The following FGFRL1 variants were observed in gnomAD, a reference collection of about 807,000 sequenced individuals.
FGFRL1 encodes the protein fibroblast growth factor receptor-like 1.
Under a neutral mutation model 36.8 loss-of-function variants are expected in FGFRL1, and 24 were observed. The observed-to-expected ratio is 0.65, with a 90% CI of 0.47 to 0.92. The LOEUF (loss-of-function observed/expected upper bound fraction) is 0.92, where lower values mean the gene tolerates loss of function less well. Among genes scored for constraint, FGFRL1 ranks in the 40% least tolerant of loss-of-function variants. The probability of loss-of-function intolerance (pLI) is 0.00; values close to 1 mark genes in which losing one functional copy is unlikely to be tolerated. For missense variants in FGFRL1, 785 were observed against 753.4 expected, an observed-to-expected ratio of 1.04 and a Z score of -0.49; for synonymous variants, 422 against 344.1, an observed-to-expected ratio of 1.23 and a Z score of -2.50.
At chr4:1,012,400 C>A in intron 1 of FGFRL1, 70 bp from the exon 2 acceptor site, 6 of 1,542,498 alleles carry the variant, frequency 3.9e-6, no homozygotes, top group South Asian at 1.2e-5. Context: ...CTGATCCCCG[C>A]GGCCCGGGAC....
Position 1,023,348 on chromosome 4 carries a change from C to G in FGFRL1, c.353-293C>G, listed in dbSNP as rs931118539. 3.3e-5 allele frequency among the ~76,000 whole-genome samples: 5 copies of G among 152,074 alleles called. No homozygotes were observed. Among genetic ancestry groups the G allele is most frequent in the African/African-American group, 9.7e-5 (4 of 41,408 alleles). On this transcript the variant is annotated intron_variant, in intron 3 of 6. Transcript: ENST00000510644. The surrounding 1 kb of genome is among the most constrained non-coding windows in gnomAD (Gnocchi z 6.0). ...AGGCTAGGGTTACTGCAGCTGCTGG[C>G]CGGGCCCGGCTCCCTCCTCCCCCGG...
At chr4:1,010,730 AGCCCTGCGTGCTGG>A (rs1264112545), upstream of FGFRL1, among the ~76,000 whole-genome samples, 7 of 152,056 alleles carry the variant, frequency 4.6e-5, no homozygotes, top group East Asian at 1.4e-3. Context: ...GCGGCCTGGG[AGCCCTGCGTGCTGG>A]GCCCTGGGCA....
At chr4:1,013,314 C>T (rs1265535559) in intron 2 of FGFRL1, among the ~76,000 whole-genome samples, 3 of 152,242 alleles carry the variant, frequency 2.0e-5, no homozygotes, top group Admixed American at 6.5e-5. Flanking sequence ...CCGGGCACAG[C>T]GCTGGCTGCC....
intron 2 of FGFRL1, among the ~76,000 whole-genome samples, chr4:1,015,099 C>A (rs1715819559): frequency 1.3e-5 from 2 of 152,208 alleles, no homozygotes; most frequent in Non-Finnish European, 2.9e-5. Context: ...GGAACTGCGG[C>A]CGTGCTGGGA....
rs764753032 is a variant in FGFRL1, at chr4:1,023,616, C to G, written c.353-25C>G. On this transcript the variant is annotated intron_variant, in intron 3 of 6. Transcript: ENST00000510644. The surrounding 1 kb of genome is among the most constrained non-coding windows in gnomAD (Gnocchi z 6.0). Reference sequence around the variant, plus strand: ...CTCAGGGCCCCCCTCACCTGCCCTCCCTGTGCACCTCCGTCTCTCTGCAGA... The same window carrying G: ...CTCAGGGCCCCCCTCACCTGCCCTCGCTGTGCACCTCCGTCTCTCTGCAGA... 1.3e-6 allele frequency: 2 copies of G among 1,578,638 alleles called. No homozygotes were observed. The highest frequency in any genetic ancestry group is 3.6e-5 in the Admixed American group (2 of 54,964).
chr4:1,014,599 G>A (rs191640023), intron 2 of FGFRL1, among the ~76,000 whole-genome samples: 2 of 150,186 alleles, frequency 1.3e-5, no homozygotes, highest in South Asian at 2.1e-4. Context: ...GGTCAGTGTC[G>A]GCTCCCTGTG....
chr4:1,024,454 G>A lies in FGFRL1; in HGVS notation c.862G>A (p.Ala288Thr), dbSNP rs770019120. 1.9e-5 allele frequency: 31 copies of A among 1,612,146 alleles called. No homozygotes were observed. Among genetic ancestry groups the A allele is most frequent in the Admixed American group, 1.8e-4 (11 of 59,982 alleles). Residue 288 changes from alanine (A) to threonine (T), a missense_variant, in exon 6 of 7, where the codon GCC becomes ACC. Ala to Thr is a moderately conservative substitution (Grantham distance 58). Coordinates refer to ENST00000510644, the MANE Select transcript of FGFRL1 (RefSeq NM_001004356.3). ...GTGGCTGAAGCGCGTGGAGTACGGC[G>A]CCGAGGGCCGCCACAACTCCACCAT... is the stretch of plus-strand genomic sequence containing the variant. Reference protein sequence around the residue: ...IQWLKRVEYGAEGRHNSTIDV... With the variant: ...IQWLKRVEYGTEGRHNSTIDV...
intron 2 of FGFRL1, 50 bp downstream of exon 2, chr4:1,012,614 C>T: frequency 1.2e-6 from 1 of 855,550 alleles, no homozygotes; most frequent in Non-Finnish European, 1.7e-6. Context: ...CAGCGCCGCC[C>T]CCTTCCCGCC....
Position 1,025,504 on chromosome 4 carries a change from C to G in FGFRL1, c.*157C>G. The stretch of plus-strand genomic sequence containing the variant: ...GTGTGAGGCATAGCCCCTGGACACA[C>G]ACACACAGACACACACACTGCCTGG... On this transcript the variant is annotated 3_prime_UTR_variant, in exon 7 of 7. Transcript: ENST00000510644. The G allele has an allele frequency of 2.5e-6, 2 of 797,390 alleles. No individual in the cohort carries two copies. Among genetic ancestry groups the G allele is most frequent in the Non-Finnish European group, 3.9e-6 (2 of 507,720 alleles). The allele number at this position is 797,390 out of a possible 1,614,324, so 49.4% of individuals were successfully genotyped here.
intron 2 of FGFRL1, among the ~76,000 whole-genome samples, chr4:1,019,085 C>T (rs1284476854): frequency 6.6e-6 from 1 of 152,226 alleles, no homozygotes; most frequent in Non-Finnish European, 1.5e-5. Flanking sequence ...GGGGTCCCGC[C>T]TCCCTGTCTG....
Position 1,025,669 on chromosome 4 carries a change from A to G in FGFRL1, c.*322A>G, listed in dbSNP as rs1172438933. ...CACACGCACAGAGACATGCCAGAAC[A>G]TACAAGGACATGCTGCCTGAACATA... On this transcript the variant is annotated 3_prime_UTR_variant, in exon 7 of 7. Transcript: ENST00000510644. The G allele has an allele frequency of 2.5e-5, 11 of 446,068 alleles. No individual in the cohort carries two copies. The allele number at this position is 446,068 out of a possible 1,614,324, so 27.6% of individuals were successfully genotyped here.
At chr4:1,012,164 C>T (rs1042551626) in intron 1 of FGFRL1, 9 of 210,992 alleles carry the variant, frequency 4.3e-5, no homozygotes, top group African/African-American at 7.0e-5. Context: ...CCGCTAATGG[C>T]GCAGGCGATT....
At position 1,012,404 on chromosome 4, in the gene FGFRL1, C is replaced by G. The variant is rs939237159; in HGVS notation, c.-16-66C>G. 1.6e-5 allele frequency: 25 copies of G among 1,553,008 alleles called. No individual in the cohort carries two copies. The African/African-American group carries it at 3.1e-4, about 19-fold the overall frequency. ...CGGCCAGACCCCTGATCCCCGCGGC[C>G]CGGGACCGGGGAGGGCGGTATCTCC... On this transcript the variant is annotated intron_variant, in intron 1 of 6. Coordinates refer to ENST00000510644, the MANE Select transcript of FGFRL1 (RefSeq NM_001004356.3).
chr4:1,022,002 G>A (rs535889953), intron 2 of FGFRL1, among the ~76,000 whole-genome samples: 1 of 152,354 alleles, frequency 6.6e-6, no homozygotes, highest in South Asian at 2.1e-4. Context: ...CTGGGCCAGT[G>A]CTCAGGGCTT....
In FGFRL1 at chr4:1,024,993, T is replaced by C; in HGVS notation, c.1161T>C (p.Ala387=). 2 of 1,610,716 alleles carry C rather than the reference T, an allele frequency of 1.2e-6. No homozygotes were observed. The highest frequency in any genetic ancestry group is 1.1e-5 in the South Asian group (1 of 91,046). ...WPVVIGIPAG[A]VFILGTLLLW... ...TGGTCATCGGCATCCCAGCCGGCGC[T>C]GTCTTCATCCTGGGCACCCTGCTCC... The change falls in exon 7 of 7, where the codon GCT becomes GCC. Residue 387 remains alanine, a synonymous_variant. Transcript: ENST00000510644.
Position 1,024,464 on chromosome 4 carries a change from G to A in FGFRL1, c.872G>A (p.Arg291His), listed in dbSNP as rs759443799. 21 of 1,612,504 alleles carry A rather than the reference G, an allele frequency of 1.3e-5. No individual in the cohort carries two copies. In the East Asian group the frequency reaches 1.8e-4, roughly 14 times the overall value. The change falls in exon 6 of 7, where the codon CGC (arginine) becomes CAC (histidine). Residue 291 changes from arginine to histidine, a missense_variant. Arg to His is a conservative substitution (Grantham distance 29). Coordinates refer to ENST00000510644, the MANE Select transcript of FGFRL1 (RefSeq NM_001004356.3). The part of the protein sequence containing the change: ...LKRVEYGAEG[R>H]HNSTIDVGGQ... ...CGCGTGGAGTACGGCGCCGAGGGCCGCCACAACTCCACCATCGATGTGGGC... is the reference window on the plus strand; with the variant it reads ...CGCGTGGAGTACGGCGCCGAGGGCCACCACAACTCCACCATCGATGTGGGC...
intron 5 of FGFRL1, 77 bp downstream of exon 5, chr4:1,024,178 C>T (rs1047230801): frequency 2.1e-4 from 38 of 177,946 alleles, no homozygotes; most frequent in Admixed American, 5.9e-4. Context: ...TGCTGGTGGG[C>T]GGGGGCGCTG....
rs113814624 is a variant in FGFRL1 at position 1,023,872 on chromosome 4, C to T, written c.489C>T (p.Pro163=). Residue 163 remains proline (P), a synonymous_variant, in exon 5 of 7, where the codon CCC becomes CCT. Transcript: ENST00000510644. The surrounding 1 kb of genome is among the most constrained non-coding windows in gnomAD (Gnocchi z 6.0). ...TGAGGCGCCGGGTGATCGCACGGCC[C>T]GTGGGTAGCTCCGTGCGGCTCAAGT... ...SKMRRRVIAR[P]VGSSVRLKCV... is the part of the protein sequence containing the mutation. 35 of 1,580,612 alleles carry T rather than the reference C, an allele frequency of 2.2e-5. No individual in the cohort carries two copies. In the Middle Eastern group the frequency reaches 5.0e-4, roughly 22 times the overall value.
intron 2 of FGFRL1, among the ~76,000 whole-genome samples, chr4:1,014,380 T>G (rs904824893): frequency 6.6e-6 from 1 of 152,208 alleles, no homozygotes; most frequent in African/African-American, 2.4e-5. Flanking sequence ...CTTTCACAAA[T>G]AACTCTGAAG....
Sources: gnomAD v4.1 joint callset for allele counts (sites outside exome capture counted in the v4.1 genomes callset) on GRCh38, gnomAD v4.1.1 for gene constraint, Gnocchi (gnomAD v3.1) non-coding constraint, MANE v1.5 for transcripts, NCBI Gene and HGNC (gene_info 2026-07-23, HGNC 2026-07-21) for gene names.